Variants in LRRC4C observed in about 807,000 individuals in gnomAD.
LRRC4C encodes leucine-rich repeat-containing protein 4C.
LRRC4C carries 5 observed loss-of-function variants against 33.6 expected under a neutral mutation model. The observed-to-expected ratio is 0.15, with a 90% CI of 0.08 to 0.31. LRRC4C has a LOEUF of 0.31. Ranked by LOEUF, LRRC4C falls within the 10% of genes least tolerant of loss-of-function variation. The pLI, the probability that LRRC4C is intolerant of heterozygous loss-of-function variation, is 1.00. For synonymous variants in LRRC4C, 329 were observed against 302.0 expected (o/e 1.09, Z -0.93); for missense variants, 560 against 796.7 (o/e 0.70, Z 3.58).
intron 1 of LRRC4C, among the ~76,000 whole-genome samples, chr11:41,113,717 C>A (rs957140370): frequency 2.6e-5 from 4 of 152,058 alleles, no homozygotes; most frequent in Admixed American, 6.6e-5. Context: ...AGACTACTCT[C>A]CCTTTAATCA....
At chr11:41,261,742 T>A (rs542650322) in intron 1 of LRRC4C, among the ~76,000 whole-genome samples, 1 of 151,912 alleles carries the variant, frequency 6.6e-6, no homozygotes, top group East Asian at 1.9e-4. Context: ...CAAGAGAAAA[T>A]ACGTAAAGAG....
intron 3 of LRRC4C, among the ~76,000 whole-genome samples, chr11:40,625,204 G>A (rs553585332): frequency 6.6e-6 from 1 of 152,210 alleles, no homozygotes; most frequent in Admixed American, 6.5e-5. Context: ...CTTAATCACT[G>A]TTATACTCTA....
At chr11:40,549,896 G>C (rs527969048) in intron 3 of LRRC4C, among the ~76,000 whole-genome samples, 35 of 152,164 alleles carry the variant, frequency 2.3e-4, no homozygotes, top group Middle Eastern at 3.4e-3. Context: ...TAATATTGTA[G>C]CAAATCATAT....
At chr11:40,957,990 TA>T (rs2136823322) in intron 1 of LRRC4C, among the ~76,000 whole-genome samples, 1 of 151,810 alleles carries the variant, frequency 6.6e-6, no homozygotes, top group African/African-American at 2.4e-5. Context: ...GATTACGTCC[TA>T]AGGGTGGAGG....
At chr11:40,630,782 A>G (rs1591321676) in intron 3 of LRRC4C, among the ~76,000 whole-genome samples, 1 of 152,174 alleles carries the variant, frequency 6.6e-6, no homozygotes, top group African/African-American at 2.4e-5. Context: ...AATTCTGGCT[A>G]TAATGACCAA....
At chr11:40,669,861 C>G (rs1943999726) in intron 2 of LRRC4C, among the ~76,000 whole-genome samples, 1 of 152,174 alleles carries the variant, frequency 6.6e-6, no homozygotes, top group Non-Finnish European at 1.5e-5. Context: ...CATCTCTCCT[C>G]ATTATACTTT....
At chr11:41,212,471 G>A (rs531631026) in intron 1 of LRRC4C, among the ~76,000 whole-genome samples, 2 of 152,316 alleles carry the variant, frequency 1.3e-5, no homozygotes, top group East Asian at 3.9e-4. Flanking sequence ...TGTTACATAG[G>A]TAAACATGTG....
intron 2 of LRRC4C, among the ~76,000 whole-genome samples, chr11:40,713,591 G>A (rs1047822558): frequency 6.6e-6 from 1 of 152,162 alleles, no homozygotes; most frequent in African/African-American, 2.4e-5. Context: ...GTAGTCATGA[G>A]GATTGAAATA....
chr11:40,487,165 C>T (rs1421725649), intron 3 of LRRC4C, among the ~76,000 whole-genome samples: 1 of 151,970 alleles, frequency 6.6e-6, no homozygotes, highest in Admixed American at 6.6e-5. Context: ...ATCAAAGATT[C>T]TTGATTCCTT....
At position 40,605,077 on chromosome 11, in the gene LRRC4C, G is replaced by A. The variant is rs538395634; in HGVS notation, c.-270+43065C>T. 4.6e-5 allele frequency among the ~76,000 whole-genome samples: 7 copies of A among 152,182 alleles called. No individual in the cohort carries two copies. The South Asian group carries it at 1.4e-3, about 32-fold the overall frequency. Reference sequence around the variant, plus strand: ...CTGAAGTAAAAAATAAAGGGAGAAAGATATGAAAATAGCTGGAACTGCTGA... The same window carrying A: ...CTGAAGTAAAAAATAAAGGGAGAAAAATATGAAAATAGCTGGAACTGCTGA... On this transcript the variant is annotated intron_variant, in intron 3 of 6. Transcript: ENST00000528697.
At chr11:41,444,809 T>A (rs1273271368) in intron 1 of LRRC4C, among the ~76,000 whole-genome samples, 5 of 151,268 alleles carry the variant, frequency 3.3e-5, no homozygotes, top group Non-Finnish European at 7.4e-5. Flanking sequence ...TAACTTAATT[T>A]TTTTTTTTTT....
intron 1 of LRRC4C, among the ~76,000 whole-genome samples, chr11:41,367,184 A>G (rs1286703277): frequency 3.3e-5 from 5 of 152,200 alleles, no homozygotes; most frequent in Non-Finnish European, 5.9e-5. Context: ...AGCTCAGTAC[A>G]TAGTCAATGG....
At chr11:40,870,523 G>A (rs997145954) in intron 2 of LRRC4C, among the ~76,000 whole-genome samples, 3 of 152,146 alleles carry the variant, frequency 2.0e-5, no homozygotes, top group Non-Finnish European at 4.4e-5. Flanking sequence ...AAATTGTGAA[G>A]ATTTCATGGA....
At chr11:40,469,356 C>T (rs774185556) in intron 3 of LRRC4C, among the ~76,000 whole-genome samples, 7 of 152,186 alleles carry the variant, frequency 4.6e-5, no homozygotes, top group Non-Finnish European at 8.8e-5. Context: ...GGCCCATATA[C>T]TATGCTTTTC....
chr11:41,121,612 C>T (rs1450498993), intron 1 of LRRC4C, among the ~76,000 whole-genome samples: 1 of 152,100 alleles, frequency 6.6e-6, no homozygotes, highest in East Asian at 1.9e-4. Flanking sequence ...TGTGAGTCAA[C>T]ATAATAGCAA....
intron 4 of LRRC4C, among the ~76,000 whole-genome samples, chr11:40,319,076 TC>T (rs1269220864): frequency 6.6e-6 from 1 of 152,198 alleles, no homozygotes; most frequent in Non-Finnish European, 1.5e-5. Flanking sequence ...GTCTCTCCGA[TC>T]CTTCAGTGGT....
At chr11:41,038,434 G>C (rs1294073547) in intron 1 of LRRC4C, among the ~76,000 whole-genome samples, 1 of 152,022 alleles carries the variant, frequency 6.6e-6, no homozygotes, top group Non-Finnish European at 1.5e-5. Flanking sequence ...TTTCCCACCA[G>C]GTTATAAATT....
intron 1 of LRRC4C, among the ~76,000 whole-genome samples, chr11:41,432,263 G>A (rs141191044): frequency 3.2e-4 from 48 of 152,270 alleles, no homozygotes; most frequent in African/African-American, 1.1e-3. Context: ...TGCCATATTA[G>A]GCAGTGGAAA....
intron 4 of LRRC4C, among the ~76,000 whole-genome samples, chr11:40,279,761 T>G (rs951129391): frequency 1.3e-5 from 2 of 152,186 alleles, no homozygotes; most frequent in African/African-American, 4.8e-5. Context: ...TGCTGTTATG[T>G]CATTCATCAA....
Sources: gnomAD v4.1 joint callset for allele counts (sites outside exome capture counted in the v4.1 genomes callset) on GRCh38, gnomAD v4.1.1 for gene constraint, MANE v1.5 for transcripts, NCBI Gene and HGNC (gene_info 2026-07-23, HGNC 2026-07-21) for gene names.